The following PPP2R3A variants were observed in gnomAD, a reference collection of about 807,000 sequenced individuals.
PPP2R3A encodes the protein protein phosphatase 2 regulatory subunit B''alpha, also known as serine/threonine-protein phosphatase 2A regulatory subunit B'' subunit alpha.
PPP2R3A carries 80 observed loss-of-function variants against 106.9 expected under a neutral mutation model. The observed-to-expected ratio is 0.75, with a 90% CI of 0.62 to 0.90. PPP2R3A has a LOEUF of 0.90. Among genes scored for constraint, PPP2R3A ranks in the 40% least tolerant of loss-of-function variants. The pLI, the probability that PPP2R3A is intolerant of heterozygous loss-of-function variation, is 0.00. For missense variants in PPP2R3A, 1,386 were observed against 1,350.4 expected, an observed-to-expected ratio of 1.03 and a Z score of -0.41; for synonymous variants, 483 against 468.3, an observed-to-expected ratio of 1.03 and a Z score of -0.41.
At chr3:136,051,812 C>G (rs563256406) in intron 5 of PPP2R3A, among the ~76,000 whole-genome samples, 57 of 152,302 alleles carry the variant, frequency 3.7e-4, no homozygotes, top group African/African-American at 1.3e-3. Flanking sequence ...CACTGCCACC[C>G]AACAATAACC....
intron 4 of PPP2R3A, among the ~76,000 whole-genome samples, chr3:136,047,904 C>CAA (rs1168406998): frequency 6.7e-5 from 7 of 104,750 alleles, no homozygotes; most frequent in Non-Finnish European, 1.0e-4. Context: ...GACTCCGTCT[C>CAA]AAAAAAAAAA....
intron 13 of PPP2R3A, among the ~76,000 whole-genome samples, chr3:136,140,149 A>G (rs1231617009): frequency 6.6e-6 from 1 of 152,124 alleles, no homozygotes; most frequent in Non-Finnish European, 1.5e-5. Context: ...ACACCTAATA[A>G]AATAATCTTC....
chr3:135,975,937 A>G (rs2107751976), intron 1 of PPP2R3A, among the ~76,000 whole-genome samples: 1 of 152,308 alleles, frequency 6.6e-6, no homozygotes. Context: ...TACCCTCACC[A>G]ATTTGTGAAT....
Position 136,072,879 on chromosome 3 carries a change from C to T in PPP2R3A, c.2544+2327C>T, listed in dbSNP as rs993094599. ...TTTTTTCTTTCATGATCTTAATGAA[C>T]GCATAGTTTGATATTTTTTGAAGTA... is the stretch of plus-strand genomic sequence containing the variant. On this transcript the variant is annotated intron_variant, in intron 6 of 13. Coordinates refer to ENST00000264977, the MANE Select transcript of PPP2R3A (RefSeq NM_002718.5). Among the ~76,000 whole-genome samples the T allele has an allele frequency of 1.2e-4, 19 of 152,040 alleles. No individual in the cohort carries two copies. The East Asian group carries it at 1.4e-3, about 11-fold the overall frequency.
intron 6 of PPP2R3A, 151 bp from the exon 7 acceptor site, chr3:136,078,216 A>G: frequency 1.6e-6 from 1 of 627,898 alleles, no homozygotes; most frequent in Non-Finnish European, 2.8e-6. Flanking sequence ...AGATTTAAAA[A>G]TACAGTGCTG....
In PPP2R3A at chr3:135,973,441, G is replaced by A. The variant is rs577483210; in HGVS notation, c.-441+7592G>A. Reference sequence around the variant, plus strand: ...TCCCTCTTAGTGCATAGTGAATCACGACGTAACTAAAGGACTGTGATCCAT... The same window carrying A: ...TCCCTCTTAGTGCATAGTGAATCACAACGTAACTAAAGGACTGTGATCCAT... On this transcript the variant is annotated intron_variant, in intron 1 of 13. Coordinates refer to ENST00000264977, the MANE Select transcript of PPP2R3A (RefSeq NM_002718.5). 7.8e-4 allele frequency among the ~76,000 whole-genome samples: 119 copies of A among 152,230 alleles called. 1 individual carries two copies. The highest frequency in any genetic ancestry group is 2.8e-3 in the African/African-American group (116 of 41,548).
At chr3:136,110,135 C>CCAA (rs1040844748) in intron 13 of PPP2R3A, among the ~76,000 whole-genome samples, 1 of 152,094 alleles carries the variant, frequency 6.6e-6, no homozygotes, top group Non-Finnish European at 1.5e-5. Context: ...ATTAAAAACC[C>CCAA]CAACAACCCC....
At chr3:136,061,113 C>A (rs1028016173) in intron 5 of PPP2R3A, among the ~76,000 whole-genome samples, 21 of 151,920 alleles carry the variant, frequency 1.4e-4, no homozygotes, top group South Asian at 1.2e-3. Context: ...AATGTAGGTA[C>A]CAAAAGCTCA....
chr3:136,050,578 G>A (rs1212984203), intron 5 of PPP2R3A, among the ~76,000 whole-genome samples: 3 of 152,144 alleles, frequency 2.0e-5, no homozygotes, highest in Non-Finnish European at 4.4e-5. Flanking sequence ...AGAACCTTTG[G>A]TGAAGATACC....
intron 1 of PPP2R3A, among the ~76,000 whole-genome samples, chr3:135,982,899 T>TA (rs1384270438): frequency 6.6e-6 from 1 of 152,230 alleles, no homozygotes; most frequent in Non-Finnish European, 1.5e-5. Flanking sequence ...GTGATTTTGC[T>TA]TAGTTAGGTG....
chr3:135,969,119 G>T (rs1937170191), intron 1 of PPP2R3A, among the ~76,000 whole-genome samples: 1 of 152,030 alleles, frequency 6.6e-6, no homozygotes, highest in Non-Finnish European at 1.5e-5. Flanking sequence ...ATATATTTAT[G>T]TAATGCGTGT....
intron 1 of PPP2R3A, among the ~76,000 whole-genome samples, chr3:135,969,695 TCA>T (rs895609152): frequency 1.6e-4 from 24 of 152,248 alleles, no homozygotes; most frequent in African/African-American, 5.8e-4. Context: ...TGAATCTGAC[TCA>T]CAGATGTTTT....
Position 136,002,766 on chromosome 3 carries a change from G to C in PPP2R3A, c.1268G>C (p.Gly423Ala). The change falls in exon 2 of 14, where the codon GGA becomes GCA. Residue 423 changes from glycine (G) to alanine (A), a missense_variant. Gly to Ala is a moderately conservative substitution (Grantham distance 60). Transcript: ENST00000264977. ...CTTTATATTGAAGAAGAGTCAGATGGAAAGAAAGCATTAGATAAAGGACAA... is the reference window on the plus strand; with the variant it reads ...CTTTATATTGAAGAAGAGTCAGATGCAAAGAAAGCATTAGATAAAGGACAA... ...ETLYIEEESD[G>A]KKALDKGQKT... 1.2e-6 allele frequency: 2 copies of C among 1,612,948 alleles called. No homozygotes were observed. The highest frequency in any genetic ancestry group is 1.7e-6 in the Non-Finnish European group (2 of 1,179,528).
intron 1 of PPP2R3A, among the ~76,000 whole-genome samples, chr3:135,990,747 C>T (rs185363780): frequency 2.8e-4 from 43 of 152,214 alleles, no homozygotes; most frequent in African/African-American, 1.0e-3. Context: ...TATAGCCTCA[C>T]GGATTCTCTT....
Position 136,002,996 on chromosome 3 carries a change from T to G in PPP2R3A, c.1498T>G (p.Phe500Val), listed in dbSNP as rs1454650946. Reference protein sequence around the residue: ...SKFEEGDQRDFTNSSSQEEID... With the variant: ...SKFEEGDQRDVTNSSSQEEID... ...ATTTGAAGAGGGAGACCAGAGAGAT[T>G]TTACAAATTCCAGTAGCCAGGAAGA... The change falls in exon 2 of 14, where the codon TTT (phenylalanine) becomes GTT (valine). Residue 500 changes from phenylalanine to valine, a missense_variant. Phe to Val is a conservative substitution (Grantham distance 50). Coordinates refer to ENST00000264977, the MANE Select transcript of PPP2R3A (RefSeq NM_002718.5). 1.9e-5 allele frequency: 30 copies of G among 1,613,524 alleles called. No homozygotes were observed. The highest frequency in any genetic ancestry group is 2.3e-5 in the Non-Finnish European group (27 of 1,179,858).
At position 136,076,275 on chromosome 3, in the gene PPP2R3A, T is replaced by G. The variant is rs1936591053; in HGVS notation, c.2545-2092T>G. On this transcript the variant is annotated intron_variant, in intron 6 of 13. Transcript: ENST00000264977. ...GTGAAACACAGAACAAGTCAGCTTC[T>G]TCTTCCGCCCAATAGCCACTCAGAT... is the stretch of plus-strand genomic sequence containing the variant. Among the ~76,000 whole-genome samples the G allele has an allele frequency of 3.9e-5, 6 of 152,360 alleles. No homozygotes were observed. The South Asian group carries it at 1.0e-3, about 26-fold the overall frequency.
chr3:136,061,943 A>AAC (rs1405293010), intron 5 of PPP2R3A, among the ~76,000 whole-genome samples: 13 of 151,864 alleles, frequency 8.6e-5, no homozygotes, highest in African/African-American at 3.1e-4. Flanking sequence ...AAAAAAAAAA[A>AAC]AAACACTGAG....
At chr3:136,087,738 G>A (rs751258504) in intron 8 of PPP2R3A, 145 bp from the exon 9 acceptor site, 130 of 521,872 alleles carry the variant, frequency 2.5e-4, no homozygotes, top group South Asian at 8.9e-4. Flanking sequence ...AAAATTATGC[G>A]TAAATAAAAA....
chr3:136,018,410 T>G (rs1368863450), intron 2 of PPP2R3A, among the ~76,000 whole-genome samples: 1 of 152,210 alleles, frequency 6.6e-6, no homozygotes, highest in Non-Finnish European at 1.5e-5. Context: ...AATCAACCCA[T>G]TTTTTCTTAA....
Sources: allele counts gnomAD v4.1 joint callset (sites outside exome capture counted in the v4.1 genomes callset), GRCh38; gene constraint gnomAD v4.1.1; transcripts MANE v1.5; gene names NCBI Gene and HGNC (gene_info 2026-07-23, HGNC 2026-07-21).